The following TMEM87A variants were observed in gnomAD, a reference collection of about 807,000 sequenced individuals.
TMEM87A encodes transmembrane protein 87A, also known as Golgi-pH regulating cation channel.
Under a neutral mutation model 90.0 loss-of-function variants are expected in TMEM87A, and 50 were observed. The observed-to-expected ratio is 0.56, with a 90% confidence interval of 0.44 to 0.70. TMEM87A has a LOEUF of 0.70. TMEM87A is among the 30% of genes least tolerant of loss of function. TMEM87A has a pLI of 0.00. For missense variants in TMEM87A, 577 were observed against 660.5 expected (o/e 0.87, Z 1.39); for synonymous variants, 226 against 226.7 (o/e 1.00, Z 0.03).
chr15:42,271,971 T>C, intron 2 of TMEM87A, 92 bp downstream of exon 2: 1 of 1,055,032 alleles, frequency 9.5e-7, no homozygotes, highest in Non-Finnish European at 1.4e-6. Flanking sequence ...GCCAGACTAT[T>C]AGATTTCAGA....
chr15:42,248,183 C>G (rs1012510322), intron 6 of TMEM87A, among the ~76,000 whole-genome samples: 2 of 152,138 alleles, frequency 1.3e-5, no homozygotes, highest in African/African-American at 4.8e-5. Context: ...AGATTTTGGG[C>G]TGAGATGATG....
intron 19 of TMEM87A, among the ~76,000 whole-genome samples, chr15:42,212,069 A>C (rs563595183): frequency 6.6e-6 from 1 of 152,266 alleles, no homozygotes; most frequent in Admixed American, 6.5e-5. Flanking sequence ...TAACTCCTCT[A>C]ATTCAGGAAT....
intron 17 of TMEM87A, 88 bp downstream of exon 17, chr15:42,219,493 G>T (rs983665874): frequency 1.8e-6 from 2 of 1,098,364 alleles, no homozygotes; most frequent in Non-Finnish European, 2.6e-6. Context: ...CAATGTCACA[G>T]AATTTTCCTC....
Position 42,221,336 on chromosome 15 carries a change from A to G in TMEM87A, c.1404-1201T>C, listed in dbSNP as rs2050482000. 2.6e-5 allele frequency among the ~76,000 whole-genome samples: 4 copies of G among 152,092 alleles called. No homozygotes were observed. The South Asian group carries it at 8.3e-4, about 31-fold the overall frequency. ...CAGAGAGAGAGAGAGACAGAGGAAAAGGCAACAGCATTCCTACATATTTGG... is the reference window on the plus strand; with the variant it reads ...CAGAGAGAGAGAGAGACAGAGGAAAGGGCAACAGCATTCCTACATATTTGG... On this transcript the variant is annotated intron_variant, in intron 15 of 19. Coordinates refer to ENST00000389834, the MANE Select transcript of TMEM87A (RefSeq NM_015497.5).
In TMEM87A at chr15:42,217,812, A is replaced by G; in HGVS notation, c.1617T>C (p.Asp539=). 6.2e-7 allele frequency: 1 copy of G among 1,613,164 alleles called. No homozygotes were observed. The highest frequency in any genetic ancestry group is 1.3e-5 in the African/African-American group (1 of 75,026). The part of the protein sequence containing the change: ...VTDVALPALL[D]SDEERMITHF... ...TGAATTGAGTACCAACCTCATCTGA[A>G]TCCAGAAGGGCTGGAAGTGCTCTGC... Residue 539 remains aspartate, a synonymous_variant, in exon 19 of 20, where the codon GAT becomes GAC. Coordinates refer to ENST00000389834, the MANE Select transcript of TMEM87A (RefSeq NM_015497.5).
At chr15:42,264,699 A>ATATATTTTT (rs10681614) in intron 3 of TMEM87A, among the ~76,000 whole-genome samples, 48 of 109,430 alleles carry the variant, frequency 4.4e-4, no homozygotes, top group African/African-American at 1.4e-3. Flanking sequence ...ATATATATAT[A>ATATATTTTT]TTTTTTTTTT....
intron 2 of TMEM87A, among the ~76,000 whole-genome samples, chr15:42,269,660 G>A (rs10851408): frequency 0.72 from 109,553 of 152,104 alleles, 42,259 homozygotes; most frequent in Non-Finnish European, 0.86. Flanking sequence ...AATAAGGTCG[G>A]GCGCGGTGGC....
Position 42,218,312 on chromosome 15 carries a change from C to G in TMEM87A, c.1595+11G>C. The G allele has an allele frequency of 6.2e-7, 1 of 1,613,310 alleles. No individual in the cohort carries two copies. Among genetic ancestry groups the G allele is most frequent in the Non-Finnish European group, 8.5e-7 (1 of 1,179,554 alleles). On this transcript the variant is annotated intron_variant, in intron 18 of 19. Transcript: ENST00000389834. ...AAATAGGATTCTTGTGGTAATCATT[C>G]AAAAACTTACACATCTGTCACAGAA...
At position 42,266,887 on chromosome 15, in the gene TMEM87A, C is replaced by T. The variant is rs570616566; in HGVS notation, c.291+1060G>A. Among the ~76,000 whole-genome samples, 57 of 152,160 alleles carry T rather than the reference C, an allele frequency of 3.7e-4. 1 individual carries two copies. The highest frequency in any genetic ancestry group is 1.2e-3 in the African/African-American group (48 of 41,496). ...TGAGTTAAACTAATCATTTTTTCCA[C>T]GAAACACCATATTTACTTGAAAGAA... On this transcript the variant is annotated intron_variant, in intron 3 of 19. Coordinates refer to ENST00000389834, the MANE Select transcript of TMEM87A (RefSeq NM_015497.5).
rs957285348 is a variant in TMEM87A at position 42,258,828 on chromosome 15, G to A, written c.504+2130C>T. 2.7e-6 allele frequency: 4 copies of A among 1,477,466 alleles called. No individual in the cohort carries two copies. The African/African-American group carries it at 4.3e-5, about 16-fold the overall frequency. 91.5% of individuals were successfully genotyped at this position (1,477,466 alleles called of 1,614,324 possible). ...AATAAAACTGGGGTTTAGGTAGTGAGAACACTTTCAGAATGGCAGAATAAG... is the reference window on the plus strand; with the variant it reads ...AATAAAACTGGGGTTTAGGTAGTGAAAACACTTTCAGAATGGCAGAATAAG... On this transcript the variant is annotated intron_variant, in intron 6 of 19. Coordinates refer to ENST00000389834, the MANE Select transcript of TMEM87A (RefSeq NM_015497.5).
rs12899166 is a variant in TMEM87A at position 42,221,309 on chromosome 15, G to A, written c.1404-1174C>T. On this transcript the variant is annotated intron_variant, in intron 15 of 19. Transcript: ENST00000389834. Reference sequence around the variant, plus strand: ...AGAGAGAGAGAGACAGAGAGAGAGAGACAGAGAGAGAGAGAGACAGAGGAA... The same window carrying A: ...AGAGAGAGAGAGACAGAGAGAGAGAAACAGAGAGAGAGAGAGACAGAGGAA... 6.3e-3 allele frequency among the ~76,000 whole-genome samples: 953 copies of A among 151,406 alleles called. 7 individuals carry two copies. The highest frequency in any genetic ancestry group is 0.023 in the African/African-American group (929 of 41,036).
At chr15:42,218,119 A>C (rs899169361) in intron 18 of TMEM87A, 2 of 646,252 alleles carry the variant, frequency 3.1e-6, no homozygotes, top group Non-Finnish European at 5.3e-6. Flanking sequence ...TCATTTTAAG[A>C]TATACTACAT....
chr15:42,263,566 G>A (rs1241182060), intron 4 of TMEM87A, among the ~76,000 whole-genome samples: 4 of 152,172 alleles, frequency 2.6e-5, no homozygotes, highest in Non-Finnish European at 5.9e-5. Flanking sequence ...CTAACATGGT[G>A]AAATCCTGTC....
At chr15:42,231,135 A>G (rs2050678872) in intron 12 of TMEM87A, 57 bp downstream of exon 12, 7 of 1,331,844 alleles carry the variant, frequency 5.3e-6, no homozygotes, top group South Asian at 1.3e-5. Flanking sequence ...GATCAATGGA[A>G]ACCCATCTCA....
rs1359562773 is a variant in TMEM87A at position 42,210,542 on chromosome 15, T to A, written c.*1166A>T. Reference sequence around the variant, plus strand: ...AGAAAAATACATTAATTTTGTTAAATTTTTTTATATTAAAAAGTGGCATGA... The same window carrying A: ...AGAAAAATACATTAATTTTGTTAAAATTTTTTATATTAAAAAGTGGCATGA... On this transcript the variant is annotated 3_prime_UTR_variant, in exon 20 of 20. Transcript: ENST00000389834. 2.6e-5 allele frequency: 4 copies of A among 152,226 alleles called. No homozygotes were observed. Among genetic ancestry groups the A allele is most frequent in the Non-Finnish European group, 4.4e-5 (3 of 68,022 alleles). 9.4% of individuals were successfully genotyped at this position (152,226 alleles called of 1,614,324 possible). A position where few individuals can be genotyped will look rare whatever the true frequency, so the allele number is the denominator to read the frequency against.
upstream of TMEM87A, chr15:42,273,453 C>A: frequency 6.2e-7 from 1 of 1,605,756 alleles, no homozygotes; most frequent in Non-Finnish European, 8.5e-7. Flanking sequence ...CGGTTCGTCC[C>A]GCCTTCTTCC....
At chr15:42,237,319 A>C in intron 9 of TMEM87A, 113 bp downstream of exon 9, 1 of 996,278 alleles carries the variant, frequency 1.0e-6, no homozygotes, top group Non-Finnish European at 1.4e-6. Flanking sequence ...AGATATTGTA[A>C]TAATTAAGTA....
intron 6 of TMEM87A, chr15:42,258,615 C>G (rs1347083625): frequency 1.5e-6 from 1 of 658,868 alleles, no homozygotes; most frequent in African/African-American, 1.9e-5. Flanking sequence ...TTAGTAAAGA[C>G]AAAGTTTCAC....
At chr15:42,233,049 A>T in intron 11 of TMEM87A, 164 bp downstream of exon 11, 1 of 463,116 alleles carries the variant, frequency 2.2e-6, no homozygotes, top group Non-Finnish European at 3.8e-6. Context: ...AAGCTCTAAT[A>T]GATTTAAAAG....
Sources: gnomAD v4.1 joint callset for allele counts (sites outside exome capture counted in the v4.1 genomes callset) on GRCh38, gnomAD v4.1.1 for gene constraint, MANE v1.5 for transcripts, NCBI Gene and HGNC (gene_info 2026-07-23, HGNC 2026-07-21) for gene names.